Variants in NUP58 observed in about 807,000 individuals in gnomAD.
NUP58 encodes nucleoporin 58.
A neutral mutation model predicts 70.1 loss-of-function variants in NUP58; 17 were observed. The ratio of observed to expected loss-of-function variants is 0.24; its 90% CI spans 0.17 to 0.36. The LOEUF (loss-of-function observed/expected upper bound fraction) is 0.36, where lower values mean the gene tolerates loss of function less well. Among genes scored for constraint, NUP58 ranks in the 10% least tolerant of loss-of-function variants. The pLI is 1.00. For synonymous variants in NUP58, 275 were observed against 257.6 expected, an observed-to-expected ratio of 1.07 and a Z score of -0.65; for missense variants, 644 against 701.5, an observed-to-expected ratio of 0.92 and a Z score of 0.93.
intron 15 of NUP58, 105 bp from the exon 16 acceptor site, chr13:25,339,860 C>A: frequency 1.0e-6 from 1 of 962,054 alleles, no homozygotes; most frequent in South Asian, 1.8e-5. Context: ...GCTATTCTTA[C>A]AGATTATGTA....
At chr13:25,303,047 T>G (rs1179642803) in intron 1 of NUP58, 2 of 456,408 alleles carry the variant, frequency 4.4e-6, no homozygotes, top group Admixed American at 2.4e-5. Context: ...TACATTCTTA[T>G]GAAAATAATT....
At chr13:25,333,413 T>A in intron 13 of NUP58, 1 of 985,360 alleles carries the variant, frequency 1.0e-6, no homozygotes, top group Non-Finnish European at 1.2e-6. Flanking sequence ...TTTGGGGAAA[T>A]TGACTGCCTT....
At chr13:25,302,585 A>G (rs2030079969) in intron 1 of NUP58, among the ~76,000 whole-genome samples, 2 of 152,224 alleles carry the variant, frequency 1.3e-5, no homozygotes, top group South Asian at 4.1e-4. Context: ...CAAAAACATA[A>G]CTATCCAGAA....
chr13:25,327,057 T>A, intron 11 of NUP58, 23 bp downstream of exon 11: 1 of 1,405,604 alleles, frequency 7.1e-7, no homozygotes, highest in Non-Finnish European at 9.9e-7. Context: ...CTGTGGTAAT[T>A]TTTTTTGAAC....
intron 5 of NUP58, among the ~76,000 whole-genome samples, chr13:25,314,723 A>T (rs2030844876): frequency 6.6e-6 from 1 of 152,152 alleles, no homozygotes; most frequent in Non-Finnish European, 1.5e-5. Flanking sequence ...TAAAAAAGAA[A>T]TACAGATTTA....
At chr13:25,339,380 C>T (rs2031887471) in intron 15 of NUP58, among the ~76,000 whole-genome samples, 2 of 152,268 alleles carry the variant, frequency 1.3e-5, no homozygotes, top group East Asian at 3.9e-4. Flanking sequence ...TTAAAATCAG[C>T]AGTTCCAGTG....
At chr13:25,317,065 T>C (rs141564785) in intron 6 of NUP58, among the ~76,000 whole-genome samples, 5 of 152,300 alleles carry the variant, frequency 3.3e-5, no homozygotes, top group Admixed American at 6.5e-5. Context: ...TCTGTGTTTC[T>C]AGTAGCTGTA....
In NUP58 at chr13:25,307,873, C is replaced by G. The variant is rs775590275; in HGVS notation, c.175C>G (p.Pro59Ala). Residue 59 changes from proline to alanine, a missense_variant, in exon 2 of 16, where the codon CCT (proline) becomes GCT (alanine). Coordinates refer to ENST00000381736, the MANE Select transcript of NUP58 (RefSeq NM_014089.4). ...STSTPATTSA[P>A]SSGFGTGLFG... Reference sequence around the variant, plus strand: ...TTCAACTCCAGCAACTACATCTGCTCCTTCAAGTGGTTTTGGAACCGGGCT... The same window carrying G: ...TTCAACTCCAGCAACTACATCTGCTGCTTCAAGTGGTTTTGGAACCGGGCT... 4.2e-5 allele frequency: 68 copies of G among 1,614,032 alleles called. No individual in the cohort carries two copies. The highest frequency in any genetic ancestry group is 5.7e-5 in the Non-Finnish European group (67 of 1,180,020).
At position 25,305,130 on chromosome 13, in the gene NUP58, G is replaced by GTTTTT. The variant is rs562132125; in HGVS notation, c.108-2649_108-2645dup. 2.6e-3 allele frequency among the ~76,000 whole-genome samples: 151 copies of GTTTTT among 58,536 alleles called. 14 individuals carry two copies. The highest frequency in any genetic ancestry group is 7.0e-3 in the African/African-American group (137 of 19,482). 38.4% of individuals were successfully genotyped at this position (58,536 alleles called of 152,430 possible). A position where few individuals can be genotyped will look rare whatever the true frequency, so the allele number is the denominator to read the frequency against. ...GACTAAATGTTTAAAGATCTGTGGG[G>GTTTTT]TTTTTTTTTTTTTTTTTTTTTTTTT... On this transcript the variant is annotated intron_variant, in intron 1 of 15. Transcript: ENST00000381736.
chr13:25,335,687 C>T, intron 13 of NUP58: 1 of 984,876 alleles, frequency 1.0e-6, no homozygotes, highest in Non-Finnish European at 1.2e-6. Flanking sequence ...CCCAGTGTAG[C>T]AAAATGTAGT....
intron 12 of NUP58, among the ~76,000 whole-genome samples, chr13:25,328,502 T>TC (rs1311501685): frequency 2.8e-4 from 43 of 151,154 alleles, no homozygotes; most frequent in Non-Finnish European, 5.0e-4. Flanking sequence ...TTCAAGTGAT[T>TC]CTCATGCCTC....
intron 7 of NUP58, 82 bp from the exon 8 acceptor site, chr13:25,320,448 A>G (rs2031132129): frequency 4.5e-6 from 4 of 886,778 alleles, no homozygotes; most frequent in Non-Finnish European, 7.2e-6. Context: ...TTGTGTCTTA[A>G]TACTCTAATA....
rs375062520 is a variant in NUP58 at position 25,340,172 on chromosome 13, C to G, written c.*38C>G. On this transcript the variant is annotated 3_prime_UTR_variant, in exon 16 of 16. Coordinates refer to ENST00000381736, the MANE Select transcript of NUP58 (RefSeq NM_014089.4). ...GTGTTGAGAGAATCCATAGCAGCAC[C>G]GTTCATTCTATGAGTCTATTTTTCT... The G allele has an allele frequency of 6.6e-7, 1 of 1,523,498 alleles. No individual in the cohort carries two copies. The highest frequency in any genetic ancestry group is 1.4e-5 in the African/African-American group (1 of 70,966). 94.4% of individuals were successfully genotyped at this position (1,523,498 alleles called of 1,614,324 possible).
intron 1 of NUP58, among the ~76,000 whole-genome samples, chr13:25,302,423 T>C (rs1167557146): frequency 1.3e-5 from 2 of 152,224 alleles, no homozygotes; most frequent in Non-Finnish European, 2.9e-5. Flanking sequence ...TTTTACAGTG[T>C]TTATTAGTGG....
chr13:25,334,366 A>G, intron 13 of NUP58: 4 of 985,376 alleles, frequency 4.1e-6, no homozygotes, highest in East Asian at 1.1e-4. Context: ...TTTACATAAT[A>G]AGACTTTCTT....
At chr13:25,337,155 AAAAATGATTCTC>A (rs1323210221) in intron 14 of NUP58, 121 bp downstream of exon 14, 8 of 509,666 alleles carry the variant, frequency 1.6e-5, no homozygotes, top group Non-Finnish European at 2.7e-5. Flanking sequence ...TCCATCTGGC[AAAAATGATTCTC>A]AAACATAATT....
Position 25,315,476 on chromosome 13 carries a change from T to C in NUP58, c.685+9T>C. The C allele has an allele frequency of 6.4e-7, 1 of 1,572,012 alleles. No individual in the cohort carries two copies. Among genetic ancestry groups the C allele is most frequent in the Non-Finnish European group, 8.7e-7 (1 of 1,143,058 alleles). Reference sequence around the variant, plus strand: ...CTCCTCAGATAAAAAGAGTAAGTAATGCTGTTGTAACTTTATGTTTTAACA... The same window carrying C: ...CTCCTCAGATAAAAAGAGTAAGTAACGCTGTTGTAACTTTATGTTTTAACA... On this transcript the variant is annotated intron_variant, in intron 6 of 15. Coordinates refer to ENST00000381736, the MANE Select transcript of NUP58 (RefSeq NM_014089.4).
At position 25,331,566 on chromosome 13, in the gene NUP58, C is replaced by T. The variant is rs372279115; in HGVS notation, c.1435+8C>T. Reference sequence around the variant, plus strand: ...AGCAACAGCCTGCTACAGGTCTGAACGCATTCAAGTTATAGCTTCTTACTG... The same window carrying T: ...AGCAACAGCCTGCTACAGGTCTGAATGCATTCAAGTTATAGCTTCTTACTG... On this transcript the variant is annotated splice_region_variant and intron_variant, in intron 13 of 15. Coordinates refer to ENST00000381736, the MANE Select transcript of NUP58 (RefSeq NM_014089.4). 1.7e-4 allele frequency: 270 copies of T among 1,612,932 alleles called. 4 individuals carry two copies. In the South Asian group the frequency reaches 1.7e-3, roughly 10 times the overall value.
intron 1 of NUP58, among the ~76,000 whole-genome samples, chr13:25,306,329 C>T (rs952615788): frequency 4.8e-5 from 7 of 146,018 alleles, no homozygotes; most frequent in Non-Finnish European, 1.0e-4. Flanking sequence ...GGGGTGAACC[C>T]GGGAGCCGGA....
Sources: allele counts gnomAD v4.1 joint callset (sites outside exome capture counted in the v4.1 genomes callset), GRCh38; gene constraint gnomAD v4.1.1; transcripts MANE v1.5; gene names NCBI Gene and HGNC (gene_info 2026-07-23, HGNC 2026-07-21).